POC1A: variants seen among roughly 807,000 people sequenced by gnomAD.
POC1A encodes the protein POC1 centriolar protein A.
POC1A carries 34 observed loss-of-function variants against 47.8 expected under a neutral mutation model. The observed-to-expected ratio is 0.71, with a 90% confidence interval of 0.54 to 0.95. The LOEUF is 0.95. POC1A is among the 40% of genes least tolerant of loss of function. POC1A has a pLI of 0.00. For missense variants in POC1A, 466 were observed against 528.3 expected, an observed-to-expected ratio of 0.88 and a Z score of 1.16; for synonymous variants, 177 against 207.6, an observed-to-expected ratio of 0.85 and a Z score of 1.27.
intron 10 of POC1A, among the ~76,000 whole-genome samples, chr3:52,089,238 T>G (rs1324527413): frequency 6.6e-6 from 1 of 151,896 alleles, no homozygotes; most frequent in African/African-American, 2.4e-5. Context: ...CCGCCACATT[T>G]GCAAAGCCAG....
At chr3:52,097,505 C>A (rs1446449199) in intron 9 of POC1A, among the ~76,000 whole-genome samples, 1 of 152,222 alleles carries the variant, frequency 6.6e-6, no homozygotes, top group Non-Finnish European at 1.5e-5. Flanking sequence ...AAGTGCTGTG[C>A]ACATGTTCAG....
intron 10 of POC1A, among the ~76,000 whole-genome samples, chr3:52,083,005 C>A (rs1278351769): frequency 6.6e-6 from 1 of 152,222 alleles, no homozygotes; most frequent in Non-Finnish European, 1.5e-5. Flanking sequence ...TCATCCTCCA[C>A]GCCCACCAAT....
chr3:52,123,828 T>C (rs1361921553), intron 8 of POC1A, among the ~76,000 whole-genome samples: 1 of 152,192 alleles, frequency 6.6e-6, no homozygotes, highest in Non-Finnish European at 1.5e-5. Context: ...TCCTACTATG[T>C]CATTTGATTC....
intron 10 of POC1A, among the ~76,000 whole-genome samples, chr3:52,094,668 T>C (rs751061074): frequency 6.6e-6 from 1 of 152,388 alleles, no homozygotes; most frequent in Admixed American, 6.5e-5. Flanking sequence ...CGGGACGCAT[T>C]GAGTCCGTCA....
chr3:52,088,653 T>A (rs1325636645), intron 10 of POC1A, among the ~76,000 whole-genome samples: 1 of 152,130 alleles, frequency 6.6e-6, no homozygotes, highest in Non-Finnish European at 1.5e-5. Flanking sequence ...TTGGGGCTCC[T>A]GTCATAACAC....
At chr3:52,123,663 C>A (rs1315045706) in intron 8 of POC1A, among the ~76,000 whole-genome samples, 3 of 152,218 alleles carry the variant, frequency 2.0e-5, no homozygotes, top group African/African-American at 7.2e-5. Flanking sequence ...CACTGCAAAT[C>A]TAACTGCTGA....
chr3:52,116,560 AAC>A (rs1703571668), intron 9 of POC1A, among the ~76,000 whole-genome samples: 1 of 152,170 alleles, frequency 6.6e-6, no homozygotes, highest in Admixed American at 6.5e-5. Flanking sequence ...GCCATCAGGA[AAC>A]ACAATTTTGA....
intron 10 of POC1A, among the ~76,000 whole-genome samples, chr3:52,089,073 G>A (rs1171079208): frequency 6.6e-6 from 1 of 151,782 alleles, no homozygotes; most frequent in Non-Finnish European, 1.5e-5. Flanking sequence ...TAGAAAACCA[G>A]AGTTTTTTGC....
intron 9 of POC1A, among the ~76,000 whole-genome samples, chr3:52,120,393 G>A (rs1703734944): frequency 6.6e-6 from 1 of 152,196 alleles, no homozygotes; most frequent in South Asian, 2.1e-4. Flanking sequence ...AGTGTGTCTG[G>A]AAGAGGACTT....
chr3:52,103,912 A>G (rs1703083779), intron 9 of POC1A, among the ~76,000 whole-genome samples: 1 of 152,252 alleles, frequency 6.6e-6, no homozygotes, highest in Non-Finnish European at 1.5e-5. Context: ...AAGATGGCAT[A>G]ACCATTTTGA....
intron 9 of POC1A, among the ~76,000 whole-genome samples, chr3:52,113,702 A>T (rs1559828314): frequency 1.3e-5 from 2 of 152,244 alleles, no homozygotes; most frequent in African/African-American, 4.8e-5. Context: ...ACTCCGTCTC[A>T]AAAAACAAAA....
intron 2 of POC1A, 107 bp downstream of exon 2, chr3:52,150,909 A>G: frequency 1.0e-6 from 1 of 968,310 alleles, no homozygotes; most frequent in Non-Finnish European, 1.6e-6. Context: ...GGTCTAGACA[A>G]AGCTGTGCAG....
intron 10 of POC1A, among the ~76,000 whole-genome samples, chr3:52,094,349 G>T (rs949705448): frequency 6.6e-6 from 1 of 152,230 alleles, no homozygotes; most frequent in African/African-American, 2.4e-5. Context: ...AAGCTTCAGG[G>T]GAGGGCTGGG....
intron 9 of POC1A, among the ~76,000 whole-genome samples, chr3:52,106,810 GC>G (rs1463682026): frequency 1.3e-5 from 2 of 152,228 alleles, no homozygotes; most frequent in Admixed American, 6.5e-5. Flanking sequence ...TGGAGGACCT[GC>G]CCCAGGGCTG....
At chr3:52,145,808 G>T in intron 6 of POC1A, 38 bp downstream of exon 6, 1 of 1,355,332 alleles carries the variant, frequency 7.4e-7, no homozygotes, top group Non-Finnish European at 1.1e-6. Context: ...AGTCCCACCA[G>T]GGCTGCCCTT....
chr3:52,117,396 G>A (rs1577867739), intron 9 of POC1A, among the ~76,000 whole-genome samples: 1 of 152,164 alleles, frequency 6.6e-6, no homozygotes, highest in East Asian at 1.9e-4. Flanking sequence ...CATGTGCCAG[G>A]CAGATGCACC....
At chr3:52,147,233 ATTTT>A in intron 4 of POC1A, 138 bp from the exon 5 acceptor site, 1 of 478,800 alleles carries the variant, frequency 2.1e-6, no homozygotes, top group Non-Finnish European at 3.8e-6. Context: ...CCCTGCTGTG[ATTTT>A]TTTTTTTTTA....
At chr3:52,132,742 T>C (rs1704269737) in intron 7 of POC1A, among the ~76,000 whole-genome samples, 1 of 152,108 alleles carries the variant, frequency 6.6e-6, no homozygotes, top group Admixed American at 6.5e-5. Flanking sequence ...CCAACAAAAT[T>C]GATACTGAAA....
In POC1A at chr3:52,118,433, G is replaced by C. The variant is rs1359989678; in HGVS notation, c.981+3946C>G. Reference sequence around the variant, plus strand: ...AAAAATAAGCTGTGAATTTCAACCAGAGGTTGAAAATAGCTCTGCAGTGAA... The same window carrying C: ...AAAAATAAGCTGTGAATTTCAACCACAGGTTGAAAATAGCTCTGCAGTGAA... On this transcript the variant is annotated intron_variant, in intron 9 of 10. Transcript: ENST00000296484. Among the ~76,000 whole-genome samples the C allele has an allele frequency of 2.0e-5, 3 of 152,192 alleles. No homozygotes were observed. In the East Asian group the frequency reaches 5.8e-4, roughly 29 times the overall value.
Sources: gnomAD v4.1 joint callset for allele counts (sites outside exome capture counted in the v4.1 genomes callset) on GRCh38, gnomAD v4.1.1 for gene constraint, MANE v1.5 for transcripts, NCBI Gene and HGNC (gene_info 2026-07-23, HGNC 2026-07-21) for gene names.